UNC79: variants seen among roughly 807,000 people sequenced by gnomAD.
UNC79 encodes unc-79 subunit of NALCN channel complex, also known as protein unc-79 homolog.
Under a neutral mutation model 283.1 loss-of-function variants are expected in UNC79, and 37 were observed. That is an observed-to-expected ratio of 0.13 (90% CI 0.10 to 0.17). The LOEUF (loss-of-function observed/expected upper bound fraction) is 0.17, where lower values mean the gene tolerates loss of function less well. UNC79 is among the 10% of genes least tolerant of loss of function. The probability of loss-of-function intolerance (pLI) is 1.00; values close to 1 mark genes in which losing one functional copy is unlikely to be tolerated. For synonymous variants in UNC79, 1,107 were observed against 1,200.2 expected, an observed-to-expected ratio of 0.92 and a Z score of 1.61; for missense variants, 2,272 against 3,211.1, an observed-to-expected ratio of 0.71 and a Z score of 7.07.
chr14:93,569,176 C>G (rs2063073469), intron 14 of UNC79, among the ~76,000 whole-genome samples: 1 of 152,228 alleles, frequency 6.6e-6, no homozygotes, highest in African/African-American at 2.4e-5. Flanking sequence ...TGGCTCACGC[C>G]TGTAATCCCA....
chr14:93,413,889 G>T, intron 1 of UNC79, among the ~76,000 whole-genome samples: 1 of 117,696 alleles, frequency 8.5e-6, no homozygotes, highest in African/African-American at 3.3e-5. Flanking sequence ...TTTTTTTCTT[G>T]TAAATTTGTT....
chr14:93,605,708 A>T (rs2065836415), intron 26 of UNC79, among the ~76,000 whole-genome samples: 1 of 152,216 alleles, frequency 6.6e-6, no homozygotes, highest in Non-Finnish European at 1.5e-5. Context: ...AATGTTTCAG[A>T]ATGGTACAGA....
chr14:93,402,505 TTAAA>T (rs1370595385), intron 1 of UNC79, among the ~76,000 whole-genome samples: 2 of 151,658 alleles, frequency 1.3e-5, no homozygotes, highest in Non-Finnish European at 2.9e-5. Flanking sequence ...AAAAATATAA[TTAAA>T]TATATGAAAA....
At chr14:93,338,074 A>C (rs940800599) in intron 1 of UNC79, among the ~76,000 whole-genome samples, 5 of 152,144 alleles carry the variant, frequency 3.3e-5, no homozygotes, top group Non-Finnish European at 7.4e-5. Context: ...CTTGGCAAGC[A>C]TGGGATCCAG....
chr14:93,605,095 T>A (rs1221807529), intron 26 of UNC79, 134 bp downstream of exon 27: 3 of 854,286 alleles, frequency 3.5e-6, no homozygotes, highest in Non-Finnish European at 4.9e-6. Context: ...TTACCCCAGA[T>A]GTTCAAGTGT....
At chr14:93,677,407 T>C (rs1270819314) in intron 41 of UNC79, among the ~76,000 whole-genome samples, 1 of 152,212 alleles carries the variant, frequency 6.6e-6, no homozygotes. Flanking sequence ...AGCAAATTCA[T>C]GTCTTACATG....
intron 14 of UNC79, among the ~76,000 whole-genome samples, chr14:93,567,473 C>T (rs1315760595): frequency 6.6e-6 from 1 of 152,090 alleles, no homozygotes; most frequent in Non-Finnish European, 1.5e-5. Context: ...GTGATCCACC[C>T]ATCTTGGCCT....
At chr14:93,537,629 T>C (rs1157053158) in intron 11 of UNC79, among the ~76,000 whole-genome samples, 2 of 152,220 alleles carry the variant, frequency 1.3e-5, no homozygotes, top group South Asian at 4.1e-4. Flanking sequence ...TCCATGGTTC[T>C]GTTTTTTTCT....
At chr14:93,447,738 A>G (rs552609138) in intron 1 of UNC79, among the ~76,000 whole-genome samples, 2 of 152,240 alleles carry the variant, frequency 1.3e-5, no homozygotes, top group South Asian at 4.1e-4. Flanking sequence ...ATTCTTGAAT[A>G]ATATTTTTGC....
chr14:93,614,219 CTTT>C (rs957006099), intron 27 of UNC79, among the ~76,000 whole-genome samples: 5 of 152,002 alleles, frequency 3.3e-5, no homozygotes, highest in African/African-American at 1.2e-4. Flanking sequence ...ATCCTCAGAA[CTTT>C]TTTATCATCC....
intron 11 of UNC79, among the ~76,000 whole-genome samples, chr14:93,537,143 C>T (rs552693370): frequency 1.9e-4 from 29 of 152,328 alleles, no homozygotes; most frequent in Non-Finnish European, 3.5e-4. Flanking sequence ...TTGAAAGAGA[C>T]ATTGACTATG....
intron 1 of UNC79, among the ~76,000 whole-genome samples, chr14:93,383,140 A>T (rs539008655): frequency 2.6e-5 from 4 of 152,178 alleles, no homozygotes; most frequent in Non-Finnish European, 5.9e-5. Flanking sequence ...TAACTTTCAT[A>T]TACTGGGACC....
chr14:93,670,147 C>T (rs924728910), intron 40 of UNC79, among the ~76,000 whole-genome samples: 1 of 152,176 alleles, frequency 6.6e-6, no homozygotes, highest in Non-Finnish European at 1.5e-5. Context: ...TTTTCCTCTG[C>T]TCTCACAGTT....
intron 1 of UNC79, among the ~76,000 whole-genome samples, chr14:93,418,005 G>A (rs2055501730): frequency 6.6e-6 from 1 of 151,574 alleles, no homozygotes; most frequent in South Asian, 2.1e-4. Context: ...ATCGTCTGAA[G>A]CCTTCTCTCA....
intron 40 of UNC79, among the ~76,000 whole-genome samples, 167 bp from the exon 44 acceptor site, chr14:93,673,184 A>C (rs981333078): frequency 2.0e-5 from 3 of 152,126 alleles, no homozygotes; most frequent in African/African-American, 7.2e-5. Flanking sequence ...ACACACAAAA[A>C]TGCCTTTTTT....
chr14:93,615,605 C>T (rs1223527490), intron 27 of UNC79, among the ~76,000 whole-genome samples: 1 of 150,218 alleles, frequency 6.7e-6, no homozygotes, highest in African/African-American at 2.4e-5. Context: ...GCCTGTAGTC[C>T]CAGCTACATG....
chr14:93,388,299 A>G (rs1197919341), intron 1 of UNC79, among the ~76,000 whole-genome samples: 2 of 152,118 alleles, frequency 1.3e-5, no homozygotes, highest in East Asian at 1.9e-4. Flanking sequence ...ATTCTATAGC[A>G]TGAATATACT....
Position 93,568,406 on chromosome 14 carries a change from G to A in UNC79, c.1756-3488G>A, listed in dbSNP as rs145478166. Among the ~76,000 whole-genome samples, 72 of 152,226 alleles carry A rather than the reference G, an allele frequency of 4.7e-4. No individual in the cohort carries two copies. The East Asian group carries it at 0.012, about 24-fold the overall frequency. On this transcript the variant is annotated intron_variant, in intron 14 of 48. Transcript: ENST00000555664. ...TTACTAGTTTAGGCCAGGTGTGGGGGCTCACACCTGTAATCCCAGCAGTTT... is the reference window on the plus strand; with the variant it reads ...TTACTAGTTTAGGCCAGGTGTGGGGACTCACACCTGTAATCCCAGCAGTTT...
At chr14:93,419,259 C>G (rs569821023) in intron 1 of UNC79, among the ~76,000 whole-genome samples, 2 of 151,202 alleles carry the variant, frequency 1.3e-5, no homozygotes, top group South Asian at 4.4e-4. Context: ...ACCTCCACTT[C>G]CCAGGTTCAA....
Sources: gnomAD v4.1 joint callset for allele counts (sites outside exome capture counted in the v4.1 genomes callset) on GRCh38, gnomAD v4.1.1 for gene constraint, MANE v1.5 for transcripts, NCBI Gene and HGNC (gene_info 2026-07-23, HGNC 2026-07-21) for gene names.